EFCAB13: variants seen among roughly 807,000 people sequenced by gnomAD.
EFCAB13 encodes the protein EF-hand calcium-binding domain-containing protein 13.
In EFCAB13, 91 loss-of-function variants were observed where a neutral mutation model predicts 110.2. The observed-to-expected ratio is 0.83, with a 90% CI of 0.70 to 0.98. The LOEUF (loss-of-function observed/expected upper bound fraction) is 0.98. EFCAB13 is among the 50% of genes least tolerant of loss of function. EFCAB13 has a pLI of 0.00. For missense variants in EFCAB13, 968 were observed against 1,119.4 expected (o/e 0.86, Z 1.93); for synonymous variants, 323 against 369.9 (o/e 0.87, Z 1.45).
intron 20 of EFCAB13, among the ~76,000 whole-genome samples, chr17:47,407,821 A>G (rs72829624): frequency 0.05 from 7,591 of 152,200 alleles, 246 homozygotes; most frequent in East Asian, 0.11. Flanking sequence ...GTTTGATATT[A>G]CTGTTCTTCT....
At chr17:47,372,706 C>A (rs1303498867) in intron 11 of EFCAB13, among the ~76,000 whole-genome samples, 1 of 152,120 alleles carries the variant, frequency 6.6e-6, no homozygotes, top group Non-Finnish European at 1.5e-5. Context: ...TTTCTAGGTA[C>A]AGTATTATTG....
rs751425559 is a variant in EFCAB13, at chr17:47,342,007, T to A, written c.278T>A (p.Val93Glu). The A allele has an allele frequency of 1.3e-6, 2 of 1,595,314 alleles. No homozygotes were observed. The highest frequency in any genetic ancestry group is 3.5e-5 in the Admixed American group (2 of 56,792). Residue 93 changes from valine (V) to glutamate (E), a missense_variant, in exon 6 of 25, where the codon GTA becomes GAA. Coordinates refer to ENST00000331493, the MANE Select transcript of EFCAB13 (RefSeq NM_152347.5). ...EKKVGRKSLQVQQHSKRTEII... is the reference protein window; with the variant it reads ...EKKVGRKSLQEQQHSKRTEII... ...AAAGTTGGGAGAAAGAGTTTACAAG[T>A]ACAACAGCACAGTAAAAGAACTGAG... is the stretch of plus-strand genomic sequence containing the variant.
chr17:47,338,161 G>A (rs773130193), intron 5 of EFCAB13, among the ~76,000 whole-genome samples: 15 of 151,982 alleles, frequency 9.9e-5, no homozygotes, highest in Non-Finnish European at 2.2e-4. Flanking sequence ...GATATATGGG[G>A]GATATAAAGC....
rs2065724683 is a variant in EFCAB13 at position 47,394,108 on chromosome 17, G to T, written c.1801+9G>T. On this transcript the variant is annotated intron_variant, in intron 16 of 24. Coordinates refer to ENST00000331493, the MANE Select transcript of EFCAB13 (RefSeq NM_152347.5). Reference sequence around the variant, plus strand: ...CTTCTCTGAAAAATTAGGTACGTAAGAATATCATGTCTTCTGCTTTTTGTG... The same window carrying T: ...CTTCTCTGAAAAATTAGGTACGTAATAATATCATGTCTTCTGCTTTTTGTG... 6.7e-7 allele frequency: 1 copy of T among 1,486,766 alleles called. No homozygotes were observed. The highest frequency in any genetic ancestry group is 1.4e-5 in the African/African-American group (1 of 70,086). The allele number at this position is 1,486,766 out of a possible 1,614,324, so 92.1% of individuals were successfully genotyped here. A position where few individuals can be genotyped will look rare whatever the true frequency, so the allele number is the denominator to read the frequency against.
chr17:47,327,745 G>A (rs1262568246), intron 3 of EFCAB13, among the ~76,000 whole-genome samples: 1 of 152,124 alleles, frequency 6.6e-6, no homozygotes, highest in East Asian at 1.9e-4. Context: ...GTGAACCACT[G>A]CGCCCGGCCT....
chr17:47,362,936 C>T (rs143854072), intron 10 of EFCAB13, among the ~76,000 whole-genome samples: 30 of 152,190 alleles, frequency 2.0e-4, no homozygotes, highest in African/African-American at 6.5e-4. Flanking sequence ...TACCAGTCTC[C>T]GCATCTTGGT....
At chr17:47,335,156 CAA>C (rs1357684423) in intron 4 of EFCAB13, 38 bp from the exon 5 acceptor site, 2 of 1,525,640 alleles carry the variant, frequency 1.3e-6, no homozygotes, top group South Asian at 1.3e-5. Flanking sequence ...TATGTATGTG[CAA>C]AGAGGACATG....
chr17:47,370,731 G>GT (rs1555581232), intron 11 of EFCAB13, among the ~76,000 whole-genome samples: 2 of 103,322 alleles, frequency 1.9e-5, no homozygotes, highest in Admixed American at 9.3e-5. Context: ...TGTTGTTGTT[G>GT]TTGTTTGTTT....
At position 47,346,763 on chromosome 17, in the gene EFCAB13, C is replaced by A. The variant is rs559714520; in HGVS notation, c.518-1045C>A. 3.3e-5 allele frequency among the ~76,000 whole-genome samples: 5 copies of A among 152,112 alleles called. No individual in the cohort carries two copies. The South Asian group carries it at 6.2e-4, about 19-fold the overall frequency. ...ACTAATCCTTTCATTTCTTGATTTT[C>A]TTCTGCTTTCTCAAGGCCTATGCTT... On this transcript the variant is annotated intron_variant, in intron 8 of 24. Coordinates refer to ENST00000331493, the MANE Select transcript of EFCAB13 (RefSeq NM_152347.5).
chr17:47,417,902 T>C (rs1904505809), intron 23 of EFCAB13, among the ~76,000 whole-genome samples: 1 of 152,212 alleles, frequency 6.6e-6, no homozygotes, highest in South Asian at 2.1e-4. Flanking sequence ...CCATGTGTAA[T>C]GGGCCTTTAA....
chr17:47,328,171 G>A (rs2065298467), intron 3 of EFCAB13, 98 bp from the exon 4 acceptor site: 1 of 639,460 alleles, frequency 1.6e-6, no homozygotes, highest in Non-Finnish European at 2.8e-6. Context: ...CATACCCCAA[G>A]TCAGTGTTAC....
chr17:47,371,913 CTCTGTG>C lies in EFCAB13; in HGVS notation c.877+1409_877+1414del, dbSNP rs1056966933. On this transcript the variant is annotated intron_variant, in intron 11 of 24. Transcript: ENST00000331493. Reference sequence around the variant, plus strand: ...ACAGGTGTGAGCCCCTGTGCCCGGCCTCTGTGTCTATTTTTATACATACTGTTTTGG... The same window carrying C: ...ACAGGTGTGAGCCCCTGTGCCCGGCCTCTATTTTTATACATACTGTTTTGG... 9.4e-5 allele frequency among the ~76,000 whole-genome samples: 14 copies of C among 149,710 alleles called. No individual in the cohort carries two copies. In the East Asian group the frequency reaches 2.2e-3, roughly 24 times the overall value.
intron 23 of EFCAB13, among the ~76,000 whole-genome samples, chr17:47,424,019 G>A (rs1207503718): frequency 6.6e-6 from 1 of 152,094 alleles, no homozygotes; most frequent in African/African-American, 2.4e-5. Context: ...GGACTCTGCC[G>A]CGCCGCCCGA....
rs1567790210 is a variant in EFCAB13, at chr17:47,370,510, TA to T, written c.877+4del. ...TACAGGAACAGTATGAGGATGTTTGTAAGTGAGCTCTTGTTGCTATGACAAG... is the reference window on the plus strand; with the variant it reads ...TACAGGAACAGTATGAGGATGTTTGTAGTGAGCTCTTGTTGCTATGACAAG... On this transcript the variant is annotated splice_donor_region_variant and intron_variant, in intron 11 of 24. Coordinates refer to ENST00000331493, the MANE Select transcript of EFCAB13 (RefSeq NM_152347.5). 1 of 1,592,560 alleles carries T rather than the reference TA, an allele frequency of 6.3e-7. No homozygotes were observed. Among genetic ancestry groups the T allele is most frequent in the South Asian group, 1.1e-5 (1 of 89,122 alleles).
intron 14 of EFCAB13, 107 bp downstream of exon 14, chr17:47,379,360 C>G: frequency 1.2e-6 from 1 of 808,526 alleles, no homozygotes; most frequent in Non-Finnish European, 2.1e-6. Flanking sequence ...CTTAATAGTC[C>G]TGTGACTCTT....
chr17:47,360,404 T>G (rs368942259), intron 9 of EFCAB13, among the ~76,000 whole-genome samples: 1 of 152,194 alleles, frequency 6.6e-6, no homozygotes, highest in Admixed American at 6.5e-5. Flanking sequence ...TCATGTGTCT[T>G]TTGGCTGCAT....
At chr17:47,411,464 C>T (rs1255107539) in intron 21 of EFCAB13, among the ~76,000 whole-genome samples, 1 of 152,136 alleles carries the variant, frequency 6.6e-6, no homozygotes, top group Admixed American at 6.5e-5. Flanking sequence ...CTTCTCAGTG[C>T]TTCCATAATT....
intron 22 of EFCAB13, among the ~76,000 whole-genome samples, chr17:47,414,445 G>A (rs779836507): frequency 3.3e-5 from 5 of 151,332 alleles, no homozygotes; most frequent in South Asian, 2.1e-4. Context: ...CCTGGGAGGC[G>A]GAGCTTGCAG....
chr17:47,433,291 A>C (rs1905154138), intron 24 of EFCAB13, among the ~76,000 whole-genome samples: 1 of 152,186 alleles, frequency 6.6e-6, no homozygotes. Flanking sequence ...CATTATATTA[A>C]CATGATTTGT....
Sources: gnomAD v4.1 joint callset for allele counts (sites outside exome capture counted in the v4.1 genomes callset) on GRCh38, gnomAD v4.1.1 for gene constraint, MANE v1.5 for transcripts, NCBI Gene and HGNC (gene_info 2026-07-23, HGNC 2026-07-21) for gene names.